The following MAIP1 variants were observed in gnomAD, a reference collection of about 807,000 sequenced individuals.
MAIP1 encodes the protein matrix AAA peptidase interacting protein 1, also known as m-AAA protease-interacting protein 1, mitochondrial.
Under a neutral mutation model 31.2 loss-of-function variants are expected in MAIP1, and 28 were observed. The ratio of observed to expected loss-of-function variants is 0.90; its 90% CI spans 0.67 to 1.23. The LOEUF (loss-of-function observed/expected upper bound fraction) is 1.23, where lower values mean the gene tolerates loss of function less well. Among genes scored for constraint, MAIP1 ranks in the 50% most tolerant of loss-of-function variants. MAIP1 has a pLI of 0.00. For missense variants in MAIP1, 339 were observed against 356.0 expected, an observed-to-expected ratio of 0.95 and a Z score of 0.38; for synonymous variants, 142 against 142.3, an observed-to-expected ratio of 1.00 and a Z score of 0.02.
In MAIP1 at chr2:199,963,281, A is replaced by G. The variant is rs1164536514; in HGVS notation, c.798-452A>G. Among the ~76,000 whole-genome samples the G allele has an allele frequency of 6.6e-5, 10 of 152,202 alleles. No homozygotes were observed. In the East Asian group the frequency reaches 1.9e-3, roughly 29 times the overall value. ...TAATGTATGTAAACTAAATTCCACTATTTATTCCTAAATTGGTAACAGTGC... is the reference window on the plus strand; with the variant it reads ...TAATGTATGTAAACTAAATTCCACTGTTTATTCCTAAATTGGTAACAGTGC... On this transcript the variant is annotated intron_variant, in intron 4 of 4. Coordinates refer to ENST00000392290, the MANE Select transcript of MAIP1 (RefSeq NM_001394955.1).
At chr2:199,961,954 TC>T (rs773223479) in intron 4 of MAIP1, 26 bp downstream of exon 4, 8 of 1,588,292 alleles carry the variant, frequency 5.0e-6, no homozygotes, top group African/African-American at 1.3e-5. Flanking sequence ...TTTCATTGTT[TC>T]CTTTCTTCAG....
In MAIP1 at chr2:199,955,836, A is replaced by C; in HGVS notation, c.38A>C (p.His13Pro). Reference sequence around the variant, plus strand: ...GCTCGTTTGCTACCCCAGTTCCTGCACTCTCGGTCGCTGCCCTGCGGGGCC... The same window carrying C: ...GCTCGTTTGCTACCCCAGTTCCTGCCCTCTCGGTCGCTGCCCTGCGGGGCC... ...LAARLLPQFL[H>P]SRSLPCGAVR... The change falls in exon 1 of 5, where the codon CAC becomes CCC. Residue 13 changes from histidine to proline, a missense_variant. His to Pro is a moderately conservative substitution (Grantham distance 77). Transcript: ENST00000392290. 6.6e-7 allele frequency: 1 copy of C among 1,519,600 alleles called. No homozygotes were observed. The allele number at this position is 1,519,600 out of a possible 1,614,324, so 94.1% of individuals were successfully genotyped here. A position where few individuals can be genotyped will look rare whatever the true frequency, so the allele number is the denominator to read the frequency against.
At chr2:199,961,314 A>C (rs2077635400) in intron 3 of MAIP1, among the ~76,000 whole-genome samples, 1 of 151,996 alleles carries the variant, frequency 6.6e-6, no homozygotes, top group African/African-American at 2.4e-5. Context: ...AATATGAAAA[A>C]ATAGCCGGGC....
chr2:199,959,954 A>G, intron 3 of MAIP1, 74 bp downstream of exon 3: 1 of 1,376,308 alleles, frequency 7.3e-7, no homozygotes, highest in Non-Finnish European at 1.0e-6. Flanking sequence ...ATAATCACAA[A>G]ATAGTAGAGT....
chr2:199,962,924 T>C (rs1157029783), intron 4 of MAIP1, among the ~76,000 whole-genome samples: 1 of 152,174 alleles, frequency 6.6e-6, no homozygotes, highest in African/African-American at 2.4e-5. Context: ...TAAAAAAATA[T>C]GTTGCCAGAG....
In MAIP1 at chr2:199,959,359, T is replaced by C. The variant is rs149746242; in HGVS notation, c.522+20T>C. 4.1e-5 allele frequency: 57 copies of C among 1,387,600 alleles called. No individual in the cohort carries two copies. In the African/African-American group the frequency reaches 8.0e-4, roughly 19 times the overall value. The allele number at this position is 1,387,600 out of a possible 1,614,324, so 86.0% of individuals were successfully genotyped here. A position where few individuals can be genotyped will look rare whatever the true frequency, so the allele number is the denominator to read the frequency against. On this transcript the variant is annotated intron_variant, in intron 2 of 4. Transcript: ENST00000392290. Reference sequence around the variant, plus strand: ...AAAGAGGTAAAGTATATTTTACATTTTGCTTTAAAAATAAATGCTATTCTC... The same window carrying C: ...AAAGAGGTAAAGTATATTTTACATTCTGCTTTAAAAATAAATGCTATTCTC...
In MAIP1 at chr2:199,959,874, G is replaced by A. The variant is rs1331700006; in HGVS notation, c.643G>A (p.Glu215Lys). 3 of 1,611,898 alleles carry A rather than the reference G, an allele frequency of 1.9e-6. No individual in the cohort carries two copies. The highest frequency in any genetic ancestry group is 1.7e-5 in the Admixed American group (1 of 59,920). The change falls in exon 3 of 5, where the codon GAG becomes AAG. Residue 215 changes from glutamate (E) to lysine (K), a missense_variant. Glu to Lys is a moderately conservative substitution (Grantham distance 56). Coordinates refer to ENST00000392290, the MANE Select transcript of MAIP1 (RefSeq NM_001394955.1). ...AGGAGACATCTCCATTTACTATGATGAGAAAGGTAATACCAGAGCATAGTC... is the reference window on the plus strand; with the variant it reads ...AGGAGACATCTCCATTTACTATGATAAGAAAGGTAATACCAGAGCATAGTC... ...STGDISIYYD[E>K]KGRKFVNILM...
At position 199,963,758 on chromosome 2, in the gene MAIP1, G is replaced by A; in HGVS notation, c.823G>A (p.Val275Ile). Reference protein sequence around the residue: ...YEFQREFTQGVKPDWTIARIE... With the variant: ...YEFQREFTQGIKPDWTIARIE... ...GTTTCAGAGGGAGTTCACACAAGGA[G>A]TAAAGCCTGACTGGACCATTGCACG... The change falls in exon 5 of 5, where the codon GTA becomes ATA. Residue 275 changes from valine (V) to isoleucine (I), a missense_variant. Val to Ile is a conservative substitution (Grantham distance 29). Coordinates refer to ENST00000392290, the MANE Select transcript of MAIP1 (RefSeq NM_001394955.1). The A allele has an allele frequency of 6.2e-7, 1 of 1,608,800 alleles. No individual in the cohort carries two copies. Among genetic ancestry groups the A allele is most frequent in the Non-Finnish European group, 8.5e-7 (1 of 1,175,556 alleles).
Position 199,955,665 on chromosome 2 carries a change from G to T in MAIP1, c.-134G>T. ...GCTGCGTGCTGGAGAGCGGGGACGG[G>T]GCCGACTCACCAGAGGCTGCAGCAA... On this transcript the variant is annotated 5_prime_UTR_variant, in exon 1 of 5. Transcript: ENST00000392290. The T allele has an allele frequency of 8.9e-7, 1 of 1,123,036 alleles. No individual in the cohort carries two copies. The highest frequency in any genetic ancestry group is 1.2e-6 in the Non-Finnish European group (1 of 808,206). 69.6% of individuals were successfully genotyped at this position (1,123,036 alleles called of 1,614,324 possible). A position where few individuals can be genotyped will look rare whatever the true frequency, so the allele number is the denominator to read the frequency against.
At chr2:199,955,357 G>A (rs1419998779), upstream of MAIP1, 5 of 1,606,514 alleles carry the variant, frequency 3.1e-6, no homozygotes, top group Non-Finnish European at 3.4e-6. Flanking sequence ...GTCTCTCGCT[G>A]GTTTCTCGAG....
At chr2:199,959,645 G>A in intron 2 of MAIP1, 109 bp from the exon 3 acceptor site, 3 of 952,420 alleles carry the variant, frequency 3.1e-6, no homozygotes, top group Non-Finnish European at 3.1e-6. Context: ...AAATACGGTA[G>A]TAAATTTAAA....
Position 199,956,174 on chromosome 2 carries a change from A to T in MAIP1, c.376A>T (p.Ile126Phe). 1 of 1,614,200 alleles carries T rather than the reference A, an allele frequency of 6.2e-7. No individual in the cohort carries two copies. The highest frequency in any genetic ancestry group is 8.5e-7 in the Non-Finnish European group (1 of 1,180,032). ...SNPINWVRTRIKAFLIWAYFD... is the reference protein window; with the variant it reads ...SNPINWVRTRFKAFLIWAYFD... ...CCCCATCAACTGGGTTAGGACTCGAATTAAGGCCTTCCTTATCTGGGCCTA... is the reference window on the plus strand; with the variant it reads ...CCCCATCAACTGGGTTAGGACTCGATTTAAGGCCTTCCTTATCTGGGCCTA... The change falls in exon 1 of 5, where the codon ATT (isoleucine) becomes TTT (phenylalanine). Residue 126 changes from isoleucine to phenylalanine, a missense_variant. By Grantham distance (21) the Ile-to-Phe change is conservative. Coordinates refer to ENST00000392290, the MANE Select transcript of MAIP1 (RefSeq NM_001394955.1).
chr2:199,963,636 CA>C (rs1390321106), intron 4 of MAIP1, 96 bp from the exon 5 acceptor site: 14 of 709,038 alleles, frequency 2.0e-5, no homozygotes, highest in Non-Finnish European at 3.2e-5. Flanking sequence ...ATCTTGTTGC[CA>C]AAAATTCTTC....
In MAIP1 at chr2:199,955,735, G is replaced by A; in HGVS notation, c.-64G>A. 2.8e-6 allele frequency: 4 copies of A among 1,447,334 alleles called. No homozygotes were observed. Among genetic ancestry groups the A allele is most frequent in the Non-Finnish European group, 3.7e-6 (4 of 1,079,730 alleles). 89.7% of individuals were successfully genotyped at this position (1,447,334 alleles called of 1,614,324 possible). A position where few individuals can be genotyped will look rare whatever the true frequency, so the allele number is the denominator to read the frequency against. The stretch of plus-strand genomic sequence containing the variant: ...AGTCTCTTTCTCCGACACCGCTGAG[G>A]CGGTTTCCCACCGACTTCCTTTCCA... On this transcript the variant is annotated 5_prime_UTR_variant, in exon 1 of 5. Transcript: ENST00000392290.
chr2:199,963,705 T>G (rs369624473), intron 4 of MAIP1, 28 bp from the exon 5 acceptor site: 2 of 1,403,204 alleles, frequency 1.4e-6, no homozygotes, highest in African/African-American at 1.4e-5. Context: ...TGATGTAAGA[T>G]TTACATTATT....
chr2:199,960,119 C>A (rs2077628444), intron 3 of MAIP1, among the ~76,000 whole-genome samples: 1 of 152,212 alleles, frequency 6.6e-6, no homozygotes, highest in Admixed American at 6.5e-5. Context: ...TAGAGAACAT[C>A]ATCACTTACA....
At chr2:199,959,998 A>G in intron 3 of MAIP1, 118 bp downstream of exon 3, 1 of 910,386 alleles carries the variant, frequency 1.1e-6, no homozygotes, top group Non-Finnish European at 1.6e-6. Flanking sequence ...AACTTCAAAG[A>G]AAATGTTATA....
rs767504569 is a variant in MAIP1, at chr2:199,963,716, T to G, written c.798-17T>G. On this transcript the variant is annotated splice_polypyrimidine_tract_variant and intron_variant, in intron 4 of 4. Coordinates refer to ENST00000392290, the MANE Select transcript of MAIP1 (RefSeq NM_001394955.1). ...GGACTGATGTAAGATTTACATTATT[T>G]GCAATGTCTTTCCTAGGTTTCAGAG... is the stretch of plus-strand genomic sequence containing the variant. 6.6e-7 allele frequency: 1 copy of G among 1,504,292 alleles called. No homozygotes were observed. The highest frequency in any genetic ancestry group is 9.2e-7 in the Non-Finnish European group (1 of 1,081,340). 93.2% of individuals were successfully genotyped at this position (1,504,292 alleles called of 1,614,324 possible). A position where few individuals can be genotyped will look rare whatever the true frequency, so the allele number is the denominator to read the frequency against.
Position 199,956,132 on chromosome 2 carries a change from G to C in MAIP1, c.334G>C (p.Val112Leu). Residue 112 changes from valine (V) to leucine (L), a missense_variant, in exon 1 of 5, where the codon GTC becomes CTC. Val to Leu is a conservative substitution (Grantham distance 32). Coordinates refer to ENST00000392290, the MANE Select transcript of MAIP1 (RefSeq NM_001394955.1). ...GCAGCACCAGAAAACCAAGATGATC[G>C]TCCTGGGATTCTCCAACCCCATCAA... ...PQQHQKTKMI[V>L]LGFSNPINWV... is the part of the protein sequence containing the mutation. 8 of 1,614,194 alleles carry C rather than the reference G, an allele frequency of 5.0e-6. No individual in the cohort carries two copies. Among genetic ancestry groups the C allele is most frequent in the Non-Finnish European group, 5.9e-6 (7 of 1,180,014 alleles).
Sources: gnomAD v4.1 joint callset for allele counts (sites outside exome capture counted in the v4.1 genomes callset) on GRCh38, gnomAD v4.1.1 for gene constraint, MANE v1.5 for transcripts, NCBI Gene and HGNC (gene_info 2026-07-23, HGNC 2026-07-21) for gene names.